Variants in SMYD2 observed in about 807,000 individuals in gnomAD.
SMYD2 encodes the protein N-lysine methyltransferase SMYD2.
A neutral mutation model predicts 59.1 loss-of-function variants in SMYD2; 53 were observed. That is an observed-to-expected ratio of 0.90 (90% confidence interval 0.72 to 1.13). The LOEUF is 1.13. SMYD2 is among the 50% of genes most tolerant of loss of function. The pLI, the probability that SMYD2 is intolerant of heterozygous loss-of-function variation, is 0.00. For missense variants in SMYD2, 494 were observed against 544.7 expected, an observed-to-expected ratio of 0.91 and a Z score of 0.93; for synonymous variants, 208 against 198.8, an observed-to-expected ratio of 1.05 and a Z score of -0.39.
intron 5 of SMYD2, among the ~76,000 whole-genome samples, chr1:214,323,528 T>C (rs992599685): frequency 6.6e-6 from 1 of 152,002 alleles, no homozygotes; most frequent in African/African-American, 2.4e-5. Flanking sequence ...ACCTCCCAGG[T>C]TCAAGTGATC....
chr1:214,327,683 G>A lies in SMYD2; in HGVS notation c.664G>A (p.Ala222Thr), dbSNP rs747886560. ...NVIVTYKGTLAEVRAVQEIKP... is the reference protein window; with the variant it reads ...NVIVTYKGTLTEVRAVQEIKP... ...CATTGTGACCTACAAAGGGACCCTG[G>A]CAGAAGTCAGAGCTGTACAGGAAAT... The change falls in exon 7 of 12, where the codon GCA (alanine) becomes ACA (threonine). Residue 222 changes from alanine to threonine, a missense_variant. Physicochemically the swap from Ala to Thr is moderately conservative, Grantham distance 58. Coordinates refer to ENST00000366957, the MANE Select transcript of SMYD2 (RefSeq NM_020197.3). 12 of 1,614,032 alleles carry A rather than the reference G, an allele frequency of 7.4e-6. No individual in the cohort carries two copies. In the South Asian group the frequency reaches 1.2e-4, roughly 16 times the overall value.
In SMYD2 at chr1:214,281,415, A is replaced by G. The variant is rs1355456907; in HGVS notation, c.161A>G (p.Tyr54Cys). Residue 54 changes from tyrosine to cysteine, a missense_variant, in exon 1 of 12, where the codon TAC becomes TGC. Transcript: ENST00000366957. ...TVNERGNHCE[Y>C]CFTRKEGLSK... Reference sequence around the variant, plus strand: ...AACGAGCGGGGCAACCACTGCGAGTACTGCTTCACCAGGTAGGGCGGCGGC... The same window carrying G: ...AACGAGCGGGGCAACCACTGCGAGTGCTGCTTCACCAGGTAGGGCGGCGGC... 6 of 1,449,082 alleles carry G rather than the reference A, an allele frequency of 4.1e-6. No individual in the cohort carries two copies. Among genetic ancestry groups the G allele is most frequent in the Admixed American group, 4.7e-5 (2 of 42,244 alleles). The allele number at this position is 1,449,082 out of a possible 1,614,324, so 89.8% of individuals were successfully genotyped here.
chr1:214,306,159 G>T (rs1013133672), intron 2 of SMYD2, among the ~76,000 whole-genome samples: 4 of 152,142 alleles, frequency 2.6e-5, no homozygotes, highest in African/African-American at 9.7e-5. Flanking sequence ...GGACAGGGAA[G>T]ATTTTCTCTA....
intron 5 of SMYD2, 139 bp from the exon 6 acceptor site, chr1:214,324,502 A>G (rs1657230259): frequency 1.4e-6 from 1 of 707,102 alleles, no homozygotes; most frequent in East Asian, 2.7e-5. Flanking sequence ...GAACGATAAC[A>G]TGGGCAAAAG....
intron 7 of SMYD2, 100 bp from the exon 8 acceptor site, chr1:214,330,068 T>C (rs1657325287): frequency 1.4e-6 from 1 of 696,478 alleles, no homozygotes; most frequent in Middle Eastern, 2.5e-4. Flanking sequence ...GCCCGCCTTA[T>C]CCTCTGCATG....
intron 1 of SMYD2, among the ~76,000 whole-genome samples, chr1:214,298,556 G>A (rs1042488782): frequency 6.6e-6 from 1 of 152,132 alleles, no homozygotes; most frequent in Non-Finnish European, 1.5e-5. Context: ...ACCTAATTAA[G>A]CTAAAGAGCT....
intron 1 of SMYD2, among the ~76,000 whole-genome samples, chr1:214,300,961 T>A (rs1399245691): frequency 6.6e-6 from 1 of 152,224 alleles, no homozygotes; most frequent in South Asian, 2.1e-4. Context: ...ATAGCAATCA[T>A]TATGTATCAT....
chr1:214,284,254 G>GT (rs34049644), intron 1 of SMYD2, among the ~76,000 whole-genome samples: 28,601 of 88,920 alleles, frequency 0.32, 5,078 homozygotes, highest in Middle Eastern at 0.41. Flanking sequence ...TTTTGGTGTG[G>GT]TTTTTTTTTT....
At chr1:214,307,529 T>C (rs186934713) in intron 2 of SMYD2, among the ~76,000 whole-genome samples, 1 of 152,340 alleles carries the variant, frequency 6.6e-6, no homozygotes, top group Non-Finnish European at 1.5e-5. Context: ...ATAAGGCTTA[T>C]TACAAAATGA....
intron 1 of SMYD2, among the ~76,000 whole-genome samples, chr1:214,293,162 C>T (rs930085278): frequency 2.6e-5 from 4 of 152,050 alleles, no homozygotes; most frequent in African/African-American, 4.8e-5. Context: ...AAGCGATTCT[C>T]CCGCTTCAGT....
In SMYD2 at chr1:214,303,789, G is replaced by A. The variant is rs146499350; in HGVS notation, c.174-1398G>A. On this transcript the variant is annotated intron_variant, in intron 1 of 11. Transcript: ENST00000366957. ...GTATTATAAGATGTCAGCCCCCACC[G>A]CGCACGCCCCCGCCCCCGTCAGCTC... Among the ~76,000 whole-genome samples, 1,357 of 152,324 alleles carry A rather than the reference G, an allele frequency of 8.9e-3. 11 individuals carry two copies. The highest frequency in any genetic ancestry group is 0.013 in the Non-Finnish European group (891 of 68,030).
Position 214,318,751 on chromosome 1 carries a change from T to C in SMYD2, c.410-108T>C. On this transcript the variant is annotated intron_variant, in intron 4 of 11. Transcript: ENST00000366957. This position sits in a 1 kb window ranked among gnomAD's most constrained non-coding sequence, Gnocchi z 5.4. Reference sequence around the variant, plus strand: ...GGGTTCAACATGTTAGTTTTGGGTTTTTTTTTTTTCGCCCGTTCCTTTCCT... The same window carrying C: ...GGGTTCAACATGTTAGTTTTGGGTTCTTTTTTTTTCGCCCGTTCCTTTCCT... 1.5e-6 allele frequency: 2 copies of C among 1,346,494 alleles called. No homozygotes were observed. Among genetic ancestry groups the C allele is most frequent in the Non-Finnish European group, 2.0e-6 (2 of 1,004,940 alleles). 83.4% of individuals were successfully genotyped at this position (1,346,494 alleles called of 1,614,324 possible).
At chr1:214,299,234 T>C (rs1656781326) in intron 1 of SMYD2, among the ~76,000 whole-genome samples, 1 of 152,192 alleles carries the variant, frequency 6.6e-6, no homozygotes, top group African/African-American at 2.4e-5. Context: ...TTGGTGGGAA[T>C]ATAAATTAGT....
At chr1:214,303,730 C>T (rs539744406) in intron 1 of SMYD2, among the ~76,000 whole-genome samples, 2 of 152,316 alleles carry the variant, frequency 1.3e-5, no homozygotes, top group South Asian at 2.1e-4. Context: ...CGAGAAGCCG[C>T]GGAGGATTCT....
At chr1:214,309,545 T>C (rs2133175) in intron 2 of SMYD2, among the ~76,000 whole-genome samples, 22,742 of 152,062 alleles carry the variant, frequency 0.15, 1,731 homozygotes, top group Middle Eastern at 0.2. Flanking sequence ...GCTTTGAAAG[T>C]AGGAAGGGAT....
intron 5 of SMYD2, among the ~76,000 whole-genome samples, chr1:214,320,117 A>G (rs981941791): frequency 1.3e-5 from 2 of 152,146 alleles, no homozygotes; most frequent in Non-Finnish European, 2.9e-5. Flanking sequence ...AATACTATAA[A>G]TGGCCAGTAG....
chr1:214,299,726 C>G (rs535009460), intron 1 of SMYD2, among the ~76,000 whole-genome samples: 1 of 152,168 alleles, frequency 6.6e-6, no homozygotes, highest in African/African-American at 2.4e-5. Context: ...CCTGCCTCAG[C>G]CTCCCAAGTA....
Position 214,334,260 on chromosome 1 carries a change from C to G in SMYD2, c.1173C>G (p.Leu391=), listed in dbSNP as rs1418369199. The G allele has an allele frequency of 2.0e-5, 33 of 1,614,020 alleles. No homozygotes were observed. Among genetic ancestry groups the G allele is most frequent in the Non-Finnish European group, 2.7e-5 (32 of 1,180,022 alleles). ...VASMWLKLGR[L]YMGLEHKAAG... is the part of the protein sequence containing the mutation. ...CCATGTGGTTGAAGCTAGGGAGACT[C>G]TACATGGGCCTGGAACACAAAGCCG... Residue 391 remains leucine (L), a synonymous_variant, in exon 11 of 12, where the codon CTC becomes CTG. Transcript: ENST00000366957.
chr1:214,286,938 C>T (rs1487429581), intron 1 of SMYD2, among the ~76,000 whole-genome samples: 1 of 151,260 alleles, frequency 6.6e-6, no homozygotes, highest in Non-Finnish European at 1.5e-5. Flanking sequence ...AAGTGATTCT[C>T]CTGCCTCAGC....
Sources: allele counts gnomAD v4.1 joint callset (sites outside exome capture counted in the v4.1 genomes callset), GRCh38; gene constraint gnomAD v4.1.1; non-coding constraint Gnocchi (gnomAD v3.1); transcripts MANE v1.5; gene names NCBI Gene and HGNC (gene_info 2026-07-23, HGNC 2026-07-21).